Variants in KCTD20 observed in about 807,000 individuals in gnomAD.
KCTD20 encodes the protein BTB/POZ domain-containing protein KCTD20.
A neutral mutation model predicts 39.6 loss-of-function variants in KCTD20; 30 were observed. The observed-to-expected ratio is 0.76, with a 90% CI of 0.57 to 1.03. The LOEUF (loss-of-function observed/expected upper bound fraction) is 1.03, where lower values mean the gene tolerates loss of function less well. Among genes scored for constraint, KCTD20 ranks in the 50% least tolerant of loss-of-function variants. KCTD20 has a pLI of 0.00. For missense variants in KCTD20, 422 were observed against 522.0 expected (o/e 0.81, Z 1.87); for synonymous variants, 162 against 180.6 (o/e 0.90, Z 0.83).
chr6:36,489,955 T>C lies in KCTD20; in HGVS notation c.*2780T>C, dbSNP rs888878135. On this transcript the variant is annotated 3_prime_UTR_variant, in exon 8 of 8. Transcript: ENST00000373731. ...GTTTCCCCTAAGCCCTGGAAAAATA[T>C]TTGAAAGAATGGCAGCAAAAAGGTT... 1 of 152,188 alleles carries C rather than the reference T, an allele frequency of 6.6e-6. No homozygotes were observed. Among genetic ancestry groups the C allele is most frequent in the African/African-American group, 2.4e-5 (1 of 41,452 alleles). 9.4% of individuals were successfully genotyped at this position (152,188 alleles called of 1,614,324 possible).
Position 36,488,940 on chromosome 6 carries a change from G to A in KCTD20, c.*1765G>A, listed in dbSNP as rs1776505045. ...ACCTGATGACTATTGGCATCCATTT[G>A]CAAGGCCAATGGCCTGGATTAAGGG... On this transcript the variant is annotated 3_prime_UTR_variant, in exon 8 of 8. Transcript: ENST00000373731. 6.5e-6 allele frequency: 1 copy of A among 152,690 alleles called. No homozygotes were observed. Among genetic ancestry groups the A allele is most frequent in the Admixed American group, 6.5e-5 (1 of 15,292 alleles). 9.5% of individuals were successfully genotyped at this position (152,690 alleles called of 1,614,324 possible). A position where few individuals can be genotyped will look rare whatever the true frequency, so the allele number is the denominator to read the frequency against.
rs1345736861 is a variant in KCTD20, at chr6:36,483,257, CTTTTTCTT to C, written c.857-1451_857-1444del. Among the ~76,000 whole-genome samples, 1,207 of 123,652 alleles carry C rather than the reference CTTTTTCTT, an allele frequency of 9.8e-3. 17 individuals carry two copies. The highest frequency in any genetic ancestry group is 0.029 in the African/African-American group (848 of 29,304). 81.1% of individuals were successfully genotyped at this position (123,652 alleles called of 152,430 possible). A position where few individuals can be genotyped will look rare whatever the true frequency, so the allele number is the denominator to read the frequency against. On this transcript the variant is annotated intron_variant, in intron 6 of 7. Coordinates refer to ENST00000373731, the MANE Select transcript of KCTD20 (RefSeq NM_173562.5). ...TCCTACCCCCTCACCAAAACAGTGG[CTTTTTCTT>C]TTTTTTTTTTTTTTTTTTTTGAGAC...
At chr6:36,479,836 G>A in intron 5 of KCTD20, 125 bp downstream of exon 5, 2 of 805,908 alleles carry the variant, frequency 2.5e-6, no homozygotes, top group Non-Finnish European at 1.8e-6. Flanking sequence ...CTGTCGCCGA[G>A]GCTGGAGTGC....
chr6:36,453,284 T>G (rs1775324016), intron 1 of KCTD20, among the ~76,000 whole-genome samples: 1 of 152,030 alleles, frequency 6.6e-6, no homozygotes, highest in African/African-American at 2.4e-5. Context: ...ACTGCTGGGA[T>G]TACAGGCGTG....
rs986448702 is a variant in KCTD20, at chr6:36,488,461, A to AG, written c.*1287dup. On this transcript the variant is annotated 3_prime_UTR_variant, in exon 8 of 8. Transcript: ENST00000373731. The stretch of plus-strand genomic sequence containing the variant: ...GGCTATTAATAGTATAGCTAAATTT[A>AG]GAGTGCAGAGCCAGATATAAGTATT... The AG allele has an allele frequency of 6.6e-6, 1 of 152,226 alleles. No individual in the cohort carries two copies. Among genetic ancestry groups the AG allele is most frequent in the African/African-American group, 2.4e-5 (1 of 41,448 alleles). 9.4% of individuals were successfully genotyped at this position (152,226 alleles called of 1,614,324 possible). A position where few individuals can be genotyped will look rare whatever the true frequency, so the allele number is the denominator to read the frequency against.
chr6:36,456,288 C>G (rs1020267805), intron 1 of KCTD20, among the ~76,000 whole-genome samples: 2 of 151,778 alleles, frequency 1.3e-5, no homozygotes, highest in African/African-American at 4.8e-5. Flanking sequence ...AAAAAATTAG[C>G]TTTTTTTTGA....
intron 3 of KCTD20, 104 bp from the exon 4 acceptor site, chr6:36,479,015 TGA>T: frequency 1.4e-6 from 1 of 739,858 alleles, no homozygotes. Context: ...ATTTATACTA[TGA>T]GAGAGTGGGA....
intron 1 of KCTD20, among the ~76,000 whole-genome samples, chr6:36,466,532 C>T (rs1195491986): frequency 6.6e-6 from 1 of 152,000 alleles, no homozygotes; most frequent in Admixed American, 6.6e-5. Flanking sequence ...CAGGCATGCA[C>T]CACCATGTCT....
intron 1 of KCTD20, among the ~76,000 whole-genome samples, chr6:36,457,319 G>A (rs983351982): frequency 1.3e-5 from 2 of 152,158 alleles, no homozygotes; most frequent in African/African-American, 4.8e-5. Context: ...ACTTGCCTCG[G>A]TCATATTGTG....
chr6:36,453,128 C>T (rs376749286), intron 1 of KCTD20, among the ~76,000 whole-genome samples: 11 of 151,624 alleles, frequency 7.3e-5, no homozygotes, highest in African/African-American at 2.2e-4. Context: ...GTGCCTCAGC[C>T]TCCCAAGTAG....
intron 7 of KCTD20, among the ~76,000 whole-genome samples, chr6:36,485,660 ATTTC>A (rs1314192483): frequency 1.3e-5 from 2 of 151,790 alleles, no homozygotes; most frequent in African/African-American, 4.8e-5. Context: ...TGCCCGGCTA[ATTTC>A]TTGTATTTTT....
At chr6:36,473,376 C>T (rs1178793629) in intron 2 of KCTD20, among the ~76,000 whole-genome samples, 3 of 152,060 alleles carry the variant, frequency 2.0e-5, no homozygotes, top group Non-Finnish European at 4.4e-5. Flanking sequence ...TTTAAGTGCT[C>T]TCACGTCCTT....
In KCTD20 at chr6:36,466,704, T is replaced by TC. The variant is rs1232860769; in HGVS notation, c.-46-3344dup. Among the ~76,000 whole-genome samples the TC allele has an allele frequency of 5.9e-5, 9 of 152,024 alleles. No individual in the cohort carries two copies. In the East Asian group the frequency reaches 1.7e-3, roughly 29 times the overall value. ...GCCTTTTTTTCTTTCCTTTTTTTTTTCCCCGCCTTCAATCTGTTCTGAGGA... is the reference window on the plus strand; with the variant it reads ...GCCTTTTTTTCTTTCCTTTTTTTTTTCCCCCGCCTTCAATCTGTTCTGAGGA... On this transcript the variant is annotated intron_variant, in intron 1 of 7. Coordinates refer to ENST00000373731, the MANE Select transcript of KCTD20 (RefSeq NM_173562.5).
At chr6:36,470,476 AC>A (rs1391283593) in intron 2 of KCTD20, among the ~76,000 whole-genome samples, 1 of 152,242 alleles carries the variant, frequency 6.6e-6, no homozygotes, top group Non-Finnish European at 1.5e-5. Context: ...AAACAAACAA[AC>A]AAAAACAGCC....
intron 7 of KCTD20, among the ~76,000 whole-genome samples, chr6:36,486,251 C>T (rs778471077): frequency 2.0e-5 from 3 of 152,158 alleles, no homozygotes; most frequent in Non-Finnish European, 4.4e-5. Flanking sequence ...TCCTCCTACT[C>T]GGTCTTTCCC....
rs150988872 is a variant in KCTD20, at chr6:36,487,192, A to G, written c.*17A>G. On this transcript the variant is annotated 3_prime_UTR_variant, in exon 8 of 8. Transcript: ENST00000373731. Reference sequence around the variant, plus strand: ...CAGGATTAGGGCCAGCTGTGGGTCTACTCCTTGTTGGAGCCCATCTCACCT... The same window carrying G: ...CAGGATTAGGGCCAGCTGTGGGTCTGCTCCTTGTTGGAGCCCATCTCACCT... 61 of 1,597,914 alleles carry G rather than the reference A, an allele frequency of 3.8e-5. No homozygotes were observed. The African/African-American group carries it at 5.2e-4, about 14-fold the overall frequency.
In KCTD20 at chr6:36,488,926, A is replaced by G. The variant is rs1169843112; in HGVS notation, c.*1751A>G. The G allele has an allele frequency of 1.3e-5, 2 of 152,682 alleles. No homozygotes were observed. 9.5% of individuals were successfully genotyped at this position (152,682 alleles called of 1,614,324 possible). On this transcript the variant is annotated 3_prime_UTR_variant, in exon 8 of 8. Coordinates refer to ENST00000373731, the MANE Select transcript of KCTD20 (RefSeq NM_173562.5). ...CTGAGCTATCCCCCACCTGATGACT[A>G]TTGGCATCCATTTGCAAGGCCAATG...
intron 1 of KCTD20, among the ~76,000 whole-genome samples, chr6:36,449,704 C>T (rs535656052): frequency 1.4e-4 from 22 of 152,260 alleles, no homozygotes; most frequent in African/African-American, 4.1e-4. Flanking sequence ...GTGTTCTACT[C>T]GCCCCATTTT....
rs1254707055 is a variant in KCTD20 at position 36,447,351 on chromosome 6, G to A, written c.-47+4240G>A. On this transcript the variant is annotated intron_variant, in intron 1 of 7. Transcript: ENST00000373731. ...TGTTTTCAAAAATATTTTTAGGCTG[G>A]GCAGGATGGCTCAAGCCTGTAATCC... 2.0e-5 allele frequency among the ~76,000 whole-genome samples: 3 copies of A among 152,040 alleles called. No individual in the cohort carries two copies. The East Asian group carries it at 5.8e-4, about 29-fold the overall frequency.
Sources: gnomAD v4.1 joint callset for allele counts (sites outside exome capture counted in the v4.1 genomes callset) on GRCh38, gnomAD v4.1.1 for gene constraint, MANE v1.5 for transcripts, NCBI Gene and HGNC (gene_info 2026-07-23, HGNC 2026-07-21) for gene names.